Variants in FAM13A observed in about 807,000 individuals in gnomAD.
The protein encoded by FAM13A is protein FAM13A.
A neutral mutation model predicts 129.6 loss-of-function variants in FAM13A; 76 were observed. The ratio of observed to expected loss-of-function variants is 0.59; its 90% confidence interval spans 0.49 to 0.71. The LOEUF (loss-of-function observed/expected upper bound fraction) is 0.71. FAM13A is among the 30% of genes least tolerant of loss of function. FAM13A has a pLI of 0.00. For missense variants in FAM13A, 1,108 were observed against 1,249.3 expected, an observed-to-expected ratio of 0.89 and a Z score of 1.70; for synonymous variants, 443 against 449.9, an observed-to-expected ratio of 0.98 and a Z score of 0.20.
chr4:88,934,347 T>C (rs1327868888), intron 5 of FAM13A, among the ~76,000 whole-genome samples: 2 of 152,202 alleles, frequency 1.3e-5, no homozygotes. Context: ...TCATCTATTG[T>C]TCAGTATGCC....
chr4:88,768,358 A>C, intron 11 of FAM13A: 1 of 195,970 alleles, frequency 5.1e-6, no homozygotes, highest in Non-Finnish European at 1.0e-5. Flanking sequence ...AAAGCTAAAT[A>C]GCAAAACCCA....
chr4:88,745,891 A>T (rs1741226209), intron 19 of FAM13A, among the ~76,000 whole-genome samples: 1 of 151,850 alleles, frequency 6.6e-6, no homozygotes, highest in African/African-American at 2.4e-5. Flanking sequence ...ATAAATTCAG[A>T]ATTAAAATGC....
intron 1 of FAM13A, among the ~76,000 whole-genome samples, chr4:89,043,471 A>G (rs1770425848): frequency 6.6e-6 from 1 of 152,146 alleles, no homozygotes; most frequent in African/African-American, 2.4e-5. Context: ...CTGAAAGGCT[A>G]CTTTGGCCCA....
At chr4:88,777,437 G>C (rs1721988810) in intron 11 of FAM13A, among the ~76,000 whole-genome samples, 1 of 152,154 alleles carries the variant, frequency 6.6e-6, no homozygotes, top group South Asian at 2.1e-4. Flanking sequence ...AGAGAAGGAA[G>C]GGCACAGGTA....
intron 7 of FAM13A, among the ~76,000 whole-genome samples, chr4:88,835,867 T>C (rs1398044254): frequency 6.6e-6 from 1 of 152,092 alleles, no homozygotes; most frequent in South Asian, 2.1e-4. Context: ...TAGTGTGGCC[T>C]GGTTCTTAAT....
intron 5 of FAM13A, among the ~76,000 whole-genome samples, chr4:88,918,793 A>G (rs2148703964): frequency 6.6e-6 from 1 of 152,258 alleles, no homozygotes; most frequent in Non-Finnish European, 1.5e-5. Flanking sequence ...TCATTTCCTC[A>G]TCTTCTCCCT....
intron 4 of FAM13A, among the ~76,000 whole-genome samples, chr4:88,984,788 A>G (rs1214906291): frequency 6.6e-6 from 1 of 152,026 alleles, no homozygotes; most frequent in African/African-American, 2.4e-5. Context: ...CTCTTTTTGC[A>G]TGATAAGCAC....
intron 6 of FAM13A, among the ~76,000 whole-genome samples, chr4:88,882,259 A>C (rs1156968151): frequency 6.6e-6 from 1 of 152,160 alleles, no homozygotes; most frequent in African/African-American, 2.4e-5. Context: ...CTAAAGGAAA[A>C]CCTATCAGAT....
chr4:88,737,405 G>A lies in FAM13A; in HGVS notation c.2646+67C>T, dbSNP rs192863431. 25 of 1,323,268 alleles carry A rather than the reference G, an allele frequency of 1.9e-5. No individual in the cohort carries two copies. In the East Asian group the frequency reaches 2.1e-4, roughly 11 times the overall value. 82.0% of individuals were successfully genotyped at this position (1,323,268 alleles called of 1,614,324 possible). A position where few individuals can be genotyped will look rare whatever the true frequency, so the allele number is the denominator to read the frequency against. On this transcript the variant is annotated intron_variant, in intron 21 of 23. Transcript: ENST00000264344. ...CGATCACACCCCCTTTCCATTCACC[G>A]GAGGGGAGGGGAGGAGGGAGGGAAC...
intron 4 of FAM13A, among the ~76,000 whole-genome samples, chr4:88,965,033 G>T (rs1368132133): frequency 1.3e-5 from 2 of 152,092 alleles, no homozygotes; most frequent in African/African-American, 4.8e-5. Context: ...ATAATGGGGG[G>T]AAAATCACAC....
chr4:89,045,150 T>TA (rs1299775901), intron 1 of FAM13A, among the ~76,000 whole-genome samples: 9 of 151,744 alleles, frequency 5.9e-5, no homozygotes, highest in African/African-American at 2.2e-4. Context: ...AAATCAGAAA[T>TA]AAAAAAATTC....
intron 5 of FAM13A, among the ~76,000 whole-genome samples, chr4:88,928,640 T>C (rs1752574914): frequency 1.3e-5 from 2 of 152,130 alleles, no homozygotes; most frequent in Non-Finnish European, 2.9e-5. Context: ...TTGGTTTCTG[T>C]TTGCCTGGAA....
intron 5 of FAM13A, among the ~76,000 whole-genome samples, chr4:88,927,575 G>A (rs1184348883): frequency 1.3e-5 from 2 of 150,540 alleles, no homozygotes; most frequent in African/African-American, 4.9e-5. Context: ...ATCTATTTCT[G>A]GTTCAATCTC....
chr4:88,824,933 C>T (rs1294057656), intron 7 of FAM13A, among the ~76,000 whole-genome samples: 1 of 152,060 alleles, frequency 6.6e-6, no homozygotes, highest in Non-Finnish European at 1.5e-5. Context: ...GTCTCGAACT[C>T]CTGACCTCAG....
intron 1 of FAM13A, among the ~76,000 whole-genome samples, chr4:89,040,100 A>C (rs1769915873): frequency 6.6e-6 from 1 of 152,232 alleles, no homozygotes; most frequent in Non-Finnish European, 1.5e-5. Context: ...GAACTAATTT[A>C]TTCCAGCTAC....
chr4:88,859,687 C>T (rs1739160559), intron 6 of FAM13A, among the ~76,000 whole-genome samples: 1 of 152,164 alleles, frequency 6.6e-6, no homozygotes, highest in Non-Finnish European at 1.5e-5. Flanking sequence ...GAGCCATGTC[C>T]TTAGACCAGG....
chr4:88,828,955 G>GT (rs1733467302), intron 7 of FAM13A, among the ~76,000 whole-genome samples: 1 of 152,106 alleles, frequency 6.6e-6, no homozygotes, highest in Non-Finnish European at 1.5e-5. Flanking sequence ...CCTTTTACAC[G>GT]TTTTAGCTGG....
intron 6 of FAM13A, among the ~76,000 whole-genome samples, chr4:88,852,243 C>A (rs189212596): frequency 5.5e-4 from 84 of 151,746 alleles, no homozygotes; most frequent in South Asian, 4.2e-4. Flanking sequence ...CTTACTGCAA[C>A]CCCCACCTCC....
intron 8 of FAM13A, among the ~76,000 whole-genome samples, chr4:88,797,205 T>C (rs1317152943): frequency 6.6e-6 from 1 of 152,064 alleles, no homozygotes; most frequent in Admixed American, 6.6e-5. Flanking sequence ...ATTCAAATTA[T>C]AGTTTTCAGA....
Sources: gnomAD v4.1 joint callset for allele counts (sites outside exome capture counted in the v4.1 genomes callset) on GRCh38, gnomAD v4.1.1 for gene constraint, MANE v1.5 for transcripts, NCBI Gene and HGNC (gene_info 2026-07-23, HGNC 2026-07-21) for gene names.